GPC6: variants seen among roughly 807,000 people sequenced by gnomAD.
GPC6 encodes glypican 6.
GPC6 carries 14 observed loss-of-function variants against 55.2 expected under a neutral mutation model. That is an observed-to-expected ratio of 0.25 (90% confidence interval 0.17 to 0.40). GPC6 has a LOEUF of 0.40. Among genes scored for constraint, GPC6 ranks in the 10% least tolerant of loss-of-function variants. The pLI is 1.00. For missense variants in GPC6, 641 were observed against 708.5 expected, an observed-to-expected ratio of 0.90 and a Z score of 1.08; for synonymous variants, 278 against 259.6, an observed-to-expected ratio of 1.07 and a Z score of -0.68.
At chr13:94,396,010 C>T (rs1880880383) in intron 7 of GPC6, among the ~76,000 whole-genome samples, 2 of 152,208 alleles carry the variant, frequency 1.3e-5, no homozygotes, top group African/African-American at 4.8e-5. Context: ...TCAGGGCATC[C>T]TGCCCCGGTC....
intron 2 of GPC6, among the ~76,000 whole-genome samples, chr13:93,720,588 T>C (rs9556319): frequency 0.23 from 35,517 of 151,902 alleles, 5,362 homozygotes; most frequent in East Asian, 0.47. Context: ...TGATATTAGT[T>C]ATTTCTTGTC....
At chr13:93,249,551 T>C (rs1350959336) in intron 1 of GPC6, among the ~76,000 whole-genome samples, 1 of 152,200 alleles carries the variant, frequency 6.6e-6, no homozygotes. Context: ...TTGTGGACTT[T>C]TGGGAAAAAA....
chr13:93,635,338 A>C (rs1463449313), intron 2 of GPC6, among the ~76,000 whole-genome samples: 2 of 152,178 alleles, frequency 1.3e-5, no homozygotes, highest in Non-Finnish European at 2.9e-5. Flanking sequence ...GTCCCATGAA[A>C]GAGAGAAATT....
chr13:93,907,387 G>A (rs577341852), intron 3 of GPC6, among the ~76,000 whole-genome samples: 16 of 151,948 alleles, frequency 1.1e-4, no homozygotes, highest in African/African-American at 3.9e-4. Flanking sequence ...TTGTTGTCTT[G>A]TTCTAGTTTT....
chr13:93,599,745 A>G (rs1304751764), intron 2 of GPC6, among the ~76,000 whole-genome samples: 1 of 152,224 alleles, frequency 6.6e-6, no homozygotes, highest in Non-Finnish European at 1.5e-5. Context: ...GAAAATGCCA[A>G]AATGAGGGTT....
intron 3 of GPC6, among the ~76,000 whole-genome samples, chr13:93,833,338 C>A (rs989758685): frequency 6.6e-6 from 1 of 152,056 alleles, no homozygotes; most frequent in Non-Finnish European, 1.5e-5. Flanking sequence ...TTTCAACACC[C>A]AAGGTATTTT....
intron 6 of GPC6, among the ~76,000 whole-genome samples, chr13:94,339,696 G>T (rs1877920575): frequency 1.4e-5 from 2 of 143,742 alleles, no homozygotes; most frequent in African/African-American, 5.2e-5. Flanking sequence ...TAAGAGGAAT[G>T]ATCTATGGAA....
intron 3 of GPC6, among the ~76,000 whole-genome samples, chr13:93,997,550 C>G (rs1197703013): frequency 6.6e-6 from 1 of 150,436 alleles, no homozygotes; most frequent in Non-Finnish European, 1.5e-5. Context: ...CTTTTCTTGT[C>G]CATTATCACA....
At chr13:93,711,338 A>C (rs1049738713) in intron 2 of GPC6, among the ~76,000 whole-genome samples, 7 of 151,808 alleles carry the variant, frequency 4.6e-5, no homozygotes, top group African/African-American at 1.7e-4. Context: ...CCCGTTCATA[A>C]AACCATCAGA....
chr13:93,885,170 A>G (rs1875248320), intron 3 of GPC6, among the ~76,000 whole-genome samples: 1 of 151,962 alleles, frequency 6.6e-6, no homozygotes, highest in Non-Finnish European at 1.5e-5. Flanking sequence ...GTGCAAATTA[A>G]TAGAGCCATT....
At chr13:93,479,436 G>A (rs1248034732) in intron 1 of GPC6, among the ~76,000 whole-genome samples, 1 of 152,088 alleles carries the variant, frequency 6.6e-6, no homozygotes, top group African/African-American at 2.4e-5. Flanking sequence ...AGGACACAAA[G>A]ATGATCTGAG....
intron 1 of GPC6, among the ~76,000 whole-genome samples, chr13:93,276,489 A>AGT (rs771761836): frequency 3.0e-3 from 391 of 131,338 alleles, no homozygotes; most frequent in African/African-American, 9.7e-3. Flanking sequence ...AGAGAGAGAG[A>AGT]GAGAGAGTGT....
chr13:94,219,786 T>C (rs1329120083), intron 4 of GPC6, among the ~76,000 whole-genome samples: 1 of 152,176 alleles, frequency 6.6e-6, no homozygotes, highest in Non-Finnish European at 1.5e-5. Flanking sequence ...AGGATCTGAT[T>C]GGAAGACTTT....
chr13:94,307,679 C>T (rs1028063515), intron 6 of GPC6, among the ~76,000 whole-genome samples: 3 of 152,186 alleles, frequency 2.0e-5, no homozygotes, highest in African/African-American at 7.2e-5. Context: ...TTCTTTTAAA[C>T]AACCAATTAG....
chr13:93,905,463 G>A lies in GPC6; in HGVS notation c.711+74918G>A, dbSNP rs146826252. Among the ~76,000 whole-genome samples, 425 of 152,110 alleles carry A rather than the reference G, an allele frequency of 2.8e-3. 3 individuals carry two copies. Among genetic ancestry groups the A allele is most frequent in the African/African-American group, 9.2e-3 (380 of 41,508 alleles). On this transcript the variant is annotated intron_variant, in intron 3 of 8. Coordinates refer to ENST00000377047, the MANE Select transcript of GPC6 (RefSeq NM_005708.5). ...GCCAGTCATATTGTTTAAAAGGCTG[G>A]CACAAGTTACAATTTCCTGTAATTG... is the stretch of plus-strand genomic sequence containing the variant.
intron 1 of GPC6, among the ~76,000 whole-genome samples, chr13:93,523,497 G>A (rs2139403253): frequency 2.0e-5 from 3 of 151,428 alleles, no homozygotes; most frequent in Admixed American, 2.0e-4. Context: ...ACATATATGT[G>A]TATATACATA....
At chr13:94,078,925 CAAACAA>C (rs1885013163) in intron 4 of GPC6, among the ~76,000 whole-genome samples, 1 of 151,700 alleles carries the variant, frequency 6.6e-6, no homozygotes, top group Non-Finnish European at 1.5e-5. Flanking sequence ...ATACCAAAGC[CAAACAA>C]AAACACTACA....
At chr13:93,252,855 T>C (rs963767189) in intron 1 of GPC6, among the ~76,000 whole-genome samples, 3 of 152,224 alleles carry the variant, frequency 2.0e-5, no homozygotes, top group Non-Finnish European at 4.4e-5. Context: ...TCCAGACAAC[T>C]TTCAGTAAGA....
chr13:93,389,356 T>A (rs1327396289), intron 1 of GPC6, among the ~76,000 whole-genome samples: 4 of 150,754 alleles, frequency 2.7e-5, no homozygotes, highest in Non-Finnish European at 5.9e-5. Context: ...AAAAAATAAA[T>A]AGCCGGGCGT....
Sources: allele counts gnomAD v4.1 joint callset (sites outside exome capture counted in the v4.1 genomes callset), GRCh38; gene constraint gnomAD v4.1.1; transcripts MANE v1.5; gene names NCBI Gene and HGNC (gene_info 2026-07-23, HGNC 2026-07-21).